Variants in ZNF41 observed in about 807,000 individuals in gnomAD.
ZNF41 encodes the protein zinc finger protein 41.
In ZNF41, 6 loss-of-function variants were observed where a neutral mutation model predicts 9.3. The ratio of observed to expected loss-of-function variants is 0.65; its 90% CI spans 0.35 to 1.28. The LOEUF (loss-of-function observed/expected upper bound fraction) is 1.28. ZNF41 is among the 50% of genes most tolerant of loss of function. The pLI, the probability that ZNF41 is intolerant of heterozygous loss-of-function variation, is 0.03. For missense variants in ZNF41, 523 were observed against 585.8 expected, an observed-to-expected ratio of 0.89 and a Z score of 1.11; for synonymous variants, 192 against 207.1, an observed-to-expected ratio of 0.93 and a Z score of 0.63.
Position 47,447,223 on chromosome X carries a change from T to C in ZNF41, c.*207A>G, listed in dbSNP as rs2056144021. 6 of 459,375 alleles carry C rather than the reference T, an allele frequency of 1.3e-5. No individual in the cohort carries two copies. Among genetic ancestry groups the C allele is most frequent in the Non-Finnish European group, 2.2e-5 (6 of 268,156 alleles). The allele number at this position is 459,375 out of a possible 1,213,427, so 37.9% of individuals were successfully genotyped here. On this transcript the variant is annotated 3_prime_UTR_variant, in exon 5 of 5. Coordinates refer to ENST00000684689, the MANE Select transcript of ZNF41 (RefSeq NM_001324144.2). ...TTTCTCTAAAGGCTCTTCCTATGCATAGAATTGCATATACACTGTGGTGAT... is the reference window on the plus strand; with the variant it reads ...TTTCTCTAAAGGCTCTTCCTATGCACAGAATTGCATATACACTGTGGTGAT...
rs1430952926 is a variant in ZNF41, at chrX:47,483,091, C to G, written c.-280+4G>C. 1.8e-5 allele frequency: 2 copies of G among 112,932 alleles called. No homozygotes were observed. The highest frequency in any genetic ancestry group is 6.4e-5 in the African/African-American group (2 of 31,019). The allele number at this position is 112,932 out of a possible 1,213,427, so 9.3% of individuals were successfully genotyped here. A position where few individuals can be genotyped will look rare whatever the true frequency, so the allele number is the denominator to read the frequency against. ...ACCCCGCGCCCACCGCGTCTGGAGC[C>G]CACCTGGCGGCCCCACTGGCTACAT... On this transcript the variant is annotated splice_donor_region_variant and intron_variant, in intron 1 of 4. Transcript: ENST00000684689.
Position 47,449,487 on chromosome X carries a change from T to C in ZNF41, c.296-13A>G. 1.7e-6 allele frequency: 2 copies of C among 1,194,791 alleles called. No individual in the cohort carries two copies. The highest frequency in any genetic ancestry group is 2.3e-6 in the Non-Finnish European group (2 of 886,624). On this transcript the variant is annotated splice_polypyrimidine_tract_variant and intron_variant, in intron 4 of 4. Coordinates refer to ENST00000684689, the MANE Select transcript of ZNF41 (RefSeq NM_001324144.2). ...CCAATAGCCTCACCTAAAAAGAAAA[T>C]GAAAGAAATGAAAACGACACAAAGA...
chrX:47,480,381 C>CTGA (rs1289782031), intron 1 of ZNF41, among the ~76,000 whole-genome samples: 5 of 111,027 alleles, frequency 4.5e-5, no homozygotes, highest in Non-Finnish European at 7.5e-5. Context: ...AATATACGAA[C>CTGA]TGATTCCATC....
chrX:47,475,124 G>A (rs374124649), intron 1 of ZNF41, among the ~76,000 whole-genome samples: 4 of 106,645 alleles, frequency 3.8e-5, no homozygotes, highest in Non-Finnish European at 7.7e-5. Flanking sequence ...AAATATTCAT[G>A]AGAACCCTGA....
At chrX:47,460,577 C>A (rs2056749902) in intron 2 of ZNF41, among the ~76,000 whole-genome samples, 1 of 111,428 alleles carries the variant, frequency 9.0e-6, no homozygotes, top group Non-Finnish European at 1.9e-5. Context: ...AAAAAGAGAC[C>A]ACCTAGTAGA....
rs977169642 is a variant in ZNF41, at chrX:47,483,079, C to G, written c.-280+16G>C. 2.7e-5 allele frequency: 3 copies of G among 112,649 alleles called. No homozygotes were observed. Among genetic ancestry groups the G allele is most frequent in the African/African-American group, 9.7e-5 (3 of 30,976 alleles). The allele number at this position is 112,649 out of a possible 1,213,427, so 9.3% of individuals were successfully genotyped here. ...GCGGCGGCCGGGACCCCGCGCCCAC[C>G]GCGTCTGGAGCCCACCTGGCGGCCC... On this transcript the variant is annotated intron_variant, in intron 1 of 4. Coordinates refer to ENST00000684689, the MANE Select transcript of ZNF41 (RefSeq NM_001324144.2).
In ZNF41 at chrX:47,448,720, G is replaced by A. The variant is rs764781446; in HGVS notation, c.1050C>T (p.Thr350=). 1.2e-5 allele frequency: 14 copies of A among 1,209,716 alleles called. No individual in the cohort carries two copies. In the South Asian group the frequency reaches 1.4e-4, roughly 12 times the overall value. Residue 350 remains threonine (T), a synonymous_variant, in exon 5 of 5, where the codon ACC becomes ACT. Transcript: ENST00000684689. ...CACTGCATTTGTAGGGTTTCTGCCC[G>A]GTATGAATTTTTTGATGTGTAATGA... ...SNLITHQKIH[T]GQKPYKCSEC... is the part of the protein sequence containing the mutation.
intron 1 of ZNF41, among the ~76,000 whole-genome samples, chrX:47,469,729 G>T (rs901546877): frequency 9.0e-6 from 1 of 111,218 alleles, no homozygotes; most frequent in African/African-American, 3.3e-5. Context: ...AATTAGCCAG[G>T]CGTGGTGGCA....
intron 1 of ZNF41, among the ~76,000 whole-genome samples, chrX:47,472,902 T>C (rs1308885180): frequency 9.2e-6 from 1 of 109,195 alleles, no homozygotes; most frequent in South Asian, 3.9e-4. Context: ...TTTACATTTT[T>C]AGTAGAGACG....
Position 47,445,515 on chromosome X carries a change from G to A in ZNF41, c.*1915C>T, listed in dbSNP as rs1260760875. Among the ~76,000 whole-genome samples the A allele has an allele frequency of 8.9e-6, 1 of 112,243 alleles. No homozygotes were observed. Among genetic ancestry groups the A allele is most frequent in the Non-Finnish European group, 1.9e-5 (1 of 53,246 alleles). ...GGCTATAGTAAAAAAGATGGAAAAT[G>A]CCAAATGTTGGCAAGTATGTGGAGC... On this transcript the variant is annotated 3_prime_UTR_variant, in exon 5 of 5. Coordinates refer to ENST00000684689, the MANE Select transcript of ZNF41 (RefSeq NM_001324144.2).
chrX:47,480,699 G>A (rs768137236), intron 1 of ZNF41, among the ~76,000 whole-genome samples: 6 of 108,220 alleles, frequency 5.5e-5, no homozygotes, highest in Admixed American at 1.0e-4. Flanking sequence ...GAAAAAAAGG[G>A]CAAAGGATAT....
chrX:47,466,892 G>C (rs2057009309), intron 2 of ZNF41, among the ~76,000 whole-genome samples: 1 of 111,577 alleles, frequency 9.0e-6, no homozygotes, highest in Admixed American at 9.6e-5. Flanking sequence ...TACCCTGCCA[G>C]TCTCTAAGTT....
At chrX:47,462,485 C>G (rs2056834958) in intron 2 of ZNF41, among the ~76,000 whole-genome samples, 1 of 111,115 alleles carries the variant, frequency 9.0e-6, no homozygotes, top group Admixed American at 9.7e-5. Flanking sequence ...TCTAACTATT[C>G]ATGCCTCCTG....
chrX:47,450,614 G>C (rs776983458), intron 4 of ZNF41, among the ~76,000 whole-genome samples: 19 of 112,009 alleles, frequency 1.7e-4, no homozygotes, highest in Admixed American at 2.9e-4. Context: ...CCTCCCCTGA[G>C]ATCTATTCTC....
intron 2 of ZNF41, 53 bp from the exon 3 acceptor site, chrX:47,456,451 A>G (rs747516691): frequency 6.5e-4 from 782 of 1,207,015 alleles, no homozygotes; most frequent in Non-Finnish European, 8.4e-4. Context: ...GGGGGATGGA[A>G]GAAGGTAGAT....
rs760998611 is a variant in ZNF41 at position 47,447,563 on chromosome X, A to G, written c.2207T>C (p.Met736Thr). The G allele has an allele frequency of 6.6e-6, 8 of 1,212,050 alleles. No individual in the cohort carries two copies. Among genetic ancestry groups the G allele is most frequent in the Admixed American group, 2.2e-5 (1 of 46,019 alleles). ...CTTTCCTGTATGAATTATCTGATGC[A>G]TACTTAGTGTGGCTTTCTGGATGAA... ...KAFIQKATLS[M>T]HQIIHTGKKP... Residue 736 changes from methionine to threonine, a missense_variant, in exon 5 of 5, where the codon ATG becomes ACG. Coordinates refer to ENST00000684689, the MANE Select transcript of ZNF41 (RefSeq NM_001324144.2).
chrX:47,446,082 T>C lies in ZNF41; in HGVS notation c.*1348A>G, dbSNP rs2056104083. On this transcript the variant is annotated 3_prime_UTR_variant, in exon 5 of 5. Transcript: ENST00000684689. ...CAGTTTTTGAGAATGCACTGAGCTG[T>C]ATGTTTATGATATATGCATTTTCTG... 1 of 111,485 alleles carries C rather than the reference T, an allele frequency of 9.0e-6. No homozygotes were observed. The highest frequency in any genetic ancestry group is 1.9e-5 in the Non-Finnish European group (1 of 53,143). 9.2% of individuals were successfully genotyped at this position (111,485 alleles called of 1,213,427 possible). A position where few individuals can be genotyped will look rare whatever the true frequency, so the allele number is the denominator to read the frequency against.
intron 1 of ZNF41, among the ~76,000 whole-genome samples, chrX:47,474,656 C>T (rs1478847472): frequency 8.3e-5 from 9 of 108,143 alleles, no homozygotes; most frequent in Non-Finnish European, 1.3e-4. Flanking sequence ...GTGGGTGGAT[C>T]GCTTGAGGCC....
At position 47,467,439 on chromosome X, in the gene ZNF41, C is replaced by T. The variant is rs867478966; in HGVS notation, c.43G>A (p.Ala15Thr). Residue 15 changes from alanine to threonine, a missense_variant, in exon 2 of 5, where the codon GCT (alanine) becomes ACT (threonine). Ala to Thr is a moderately conservative substitution (Grantham distance 58). Coordinates refer to ENST00000684689, the MANE Select transcript of ZNF41 (RefSeq NM_001324144.2). ...CATGAGCTGCCACGTCCCTCTGCAG[C>T]CAGGGCCGGGGACCATGGGGGAGAG... ...GDSPPWSPAL[A>T]AEGRGSSCEA... 1 of 1,189,930 alleles carries T rather than the reference C, an allele frequency of 8.4e-7. No homozygotes were observed. The highest frequency in any genetic ancestry group is 1.1e-6 in the Non-Finnish European group (1 of 883,513).
Sources: gnomAD v4.1 joint callset for allele counts (sites outside exome capture counted in the v4.1 genomes callset) on GRCh38, gnomAD v4.1.1 for gene constraint, MANE v1.5 for transcripts, NCBI Gene and HGNC (gene_info 2026-07-23, HGNC 2026-07-21) for gene names.